The following CCPG1 variants were observed in gnomAD, a reference collection of about 807,000 sequenced individuals.
The protein encoded by CCPG1 is cell cycle progression protein 1.
CCPG1 carries 46 observed loss-of-function variants against 81.3 expected under a neutral mutation model. The ratio of observed to expected loss-of-function variants is 0.57; its 90% CI spans 0.45 to 0.72. The LOEUF is 0.72. Ranked by LOEUF, CCPG1 falls within the 30% of genes least tolerant of loss-of-function variation. CCPG1 has a pLI of 0.00. For missense variants in CCPG1, 902 were observed against 937.6 expected (o/e 0.96, Z 0.50); for synonymous variants, 330 against 305.2 (o/e 1.08, Z -0.85).
At chr15:55,368,050 C>T (rs1253788417) in intron 6 of CCPG1, among the ~76,000 whole-genome samples, 1 of 152,076 alleles carries the variant, frequency 6.6e-6, no homozygotes, top group South Asian at 2.1e-4. Context: ...CACAGTTGAC[C>T]CTTGAGCAAC....
chr15:55,389,457 C>T, intron 1 of CCPG1, 24 bp from the exon 2 acceptor site: 2 of 1,512,410 alleles, frequency 1.3e-6, no homozygotes, highest in Non-Finnish European at 1.8e-6. Flanking sequence ...AACATATTGA[C>T]TCATGAGACA....
chr15:55,368,908 T>C (rs763746628), intron 6 of CCPG1, among the ~76,000 whole-genome samples: 12 of 151,868 alleles, frequency 7.9e-5, no homozygotes, highest in Non-Finnish European at 1.5e-4. Context: ...GGTCAGGAGT[T>C]CGAGACCAAC....
intron 2 of CCPG1, among the ~76,000 whole-genome samples, chr15:55,388,227 T>C (rs866699916): frequency 8.5e-5 from 13 of 152,128 alleles, no homozygotes; most frequent in Admixed American, 2.0e-4. Flanking sequence ...GGGAAAATTA[T>C]AGATGTCCAT....
chr15:55,397,120 A>T (rs2057033522), intron 1 of CCPG1, among the ~76,000 whole-genome samples: 1 of 152,024 alleles, frequency 6.6e-6, no homozygotes, highest in Non-Finnish European at 1.5e-5. Context: ...ACGCTGAGGC[A>T]GTAGAATGGC....
intron 1 of CCPG1, among the ~76,000 whole-genome samples, chr15:55,399,417 C>CAG (rs1408027532): frequency 6.3e-5 from 4 of 63,144 alleles, no homozygotes; most frequent in African/African-American, 1.9e-4. Flanking sequence ...ACTAAAAATA[C>CAG]AAAAAAAAAA....
intron 6 of CCPG1, among the ~76,000 whole-genome samples, chr15:55,368,614 TAAGAAA>T (rs2056381215): frequency 6.6e-6 from 1 of 152,218 alleles, no homozygotes; most frequent in South Asian, 2.1e-4. Context: ...AATGTAAGAA[TAAGAAA>T]GACTGCTTTC....
chr15:55,389,008 G>T (rs2056859269), intron 2 of CCPG1, among the ~76,000 whole-genome samples: 1 of 138,474 alleles, frequency 7.2e-6, no homozygotes, highest in South Asian at 2.3e-4. Flanking sequence ...GGCGGAGGTT[G>T]CAGTGAGCTG....
chr15:55,379,161 C>T (rs1035332075), intron 3 of CCPG1, among the ~76,000 whole-genome samples: 9 of 134,678 alleles, frequency 6.7e-5, no homozygotes, highest in African/African-American at 1.8e-4. Flanking sequence ...TGTATATGTA[C>T]GTGTGTGTGT....
rs753064740 is a variant in CCPG1, at chr15:55,360,592, G to A, written c.1181C>T (p.Thr394Met). Residue 394 changes from threonine to methionine, a missense_variant, in exon 8 of 9, where the codon ACG becomes ATG. Physicochemically the swap from Thr to Met is moderately conservative, Grantham distance 81 (BLOSUM62 -1). Coordinates refer to ENST00000442196, the MANE Select transcript of CCPG1 (RefSeq NM_001204450.2). ...RELERERLVT[T>M]ALRGELQQLS... is the part of the protein sequence containing the mutation. ...CTGCTGGAGTTCCCCCCTTAAAGCCGTAGTTACTAGTCGTTCTCTCTCCAG... is the reference window on the plus strand; with the variant it reads ...CTGCTGGAGTTCCCCCCTTAAAGCCATAGTTACTAGTCGTTCTCTCTCCAG... 2.0e-5 allele frequency: 33 copies of A among 1,614,036 alleles called. No homozygotes were observed. Among genetic ancestry groups the A allele is most frequent in the Middle Eastern group, 1.6e-4 (1 of 6,062 alleles).
At chr15:55,384,828 T>C (rs1309384801) in intron 3 of CCPG1, among the ~76,000 whole-genome samples, 1 of 152,020 alleles carries the variant, frequency 6.6e-6, no homozygotes, top group African/African-American at 2.4e-5. Context: ...CGAAGTACAA[T>C]AAAGCAAAGC....
chr15:55,385,508 C>T (rs1490687752), intron 3 of CCPG1, 92 bp downstream of exon 3: 2 of 637,454 alleles, frequency 3.1e-6, no homozygotes, highest in Admixed American at 3.2e-5. Flanking sequence ...TTAGATTAGC[C>T]AGAAAGGCCA....
intron 1 of CCPG1, among the ~76,000 whole-genome samples, chr15:55,398,519 T>C (rs2057065642): frequency 6.6e-6 from 1 of 152,104 alleles, no homozygotes. Flanking sequence ...CCAAAGGATA[T>C]GAAAATGTCT....
intron 1 of CCPG1, among the ~76,000 whole-genome samples, chr15:55,399,532 T>C (rs1426922245): frequency 6.6e-6 from 1 of 151,224 alleles, no homozygotes; most frequent in East Asian, 1.9e-4. Context: ...GAGATTAAAG[T>C]GAGCCAAGAT....
At chr15:55,358,247 G>T in intron 8 of CCPG1, 1 of 405,792 alleles carries the variant, frequency 2.5e-6, no homozygotes, top group Non-Finnish European at 3.3e-6. Flanking sequence ...CTATGTGTGA[G>T]ATTGTAAAGA....
intron 5 of CCPG1, chr15:55,372,922 T>C (rs1215249749): frequency 3.7e-6 from 2 of 534,356 alleles, no homozygotes; most frequent in Non-Finnish European, 7.7e-6. Context: ...TATTTTAACA[T>C]AGGTTTCCAG....
chr15:55,399,417 CAAA>C (rs56191750), intron 1 of CCPG1, among the ~76,000 whole-genome samples: 3 of 63,144 alleles, frequency 4.8e-5, no homozygotes, highest in South Asian at 6.3e-4. Context: ...ACTAAAAATA[CAAA>C]AAAAAAAAAA....
intron 3 of CCPG1, among the ~76,000 whole-genome samples, chr15:55,382,437 T>C (rs1232717476): frequency 6.6e-6 from 1 of 151,994 alleles, no homozygotes; most frequent in East Asian, 1.9e-4. Flanking sequence ...TGCTCATCCA[T>C]AAGAAGCAAC....
chr15:55,375,526 T>C (rs540506630), intron 5 of CCPG1, among the ~76,000 whole-genome samples: 5 of 152,282 alleles, frequency 3.3e-5, no homozygotes, highest in Non-Finnish European at 5.9e-5. Context: ...ATACTATGAA[T>C]GCTATTCTAA....
intron 1 of CCPG1, among the ~76,000 whole-genome samples, chr15:55,392,102 A>G (rs1385568522): frequency 6.6e-6 from 1 of 152,010 alleles, no homozygotes; most frequent in Non-Finnish European, 1.5e-5. Flanking sequence ...AAAGCATCAC[A>G]CAGGAAAAAC....
Sources: gnomAD v4.1 joint callset for allele counts (sites outside exome capture counted in the v4.1 genomes callset) on GRCh38, gnomAD v4.1.1 for gene constraint, MANE v1.5 for transcripts, NCBI Gene and HGNC (gene_info 2026-07-23, HGNC 2026-07-21) for gene names.